PRXL2A: variants seen among roughly 807,000 people sequenced by gnomAD.
PRXL2A encodes the protein peroxiredoxin like 2A.
PRXL2A carries 26 observed loss-of-function variants against 25.6 expected under a neutral mutation model. The observed-to-expected ratio is 1.02, with a 90% CI of 0.74 to 1.41. The LOEUF (loss-of-function observed/expected upper bound fraction) is 1.41, where lower values mean the gene tolerates loss of function less well. PRXL2A is among the 40% of genes most tolerant of loss of function. PRXL2A has a pLI of 0.00. For missense variants in PRXL2A, 246 were observed against 273.9 expected (o/e 0.90, Z 0.72); for synonymous variants, 98 against 102.9 (o/e 0.95, Z 0.29).
At chr10:80,421,244 A>G (rs1589557596) in intron 2 of PRXL2A, among the ~76,000 whole-genome samples, 1 of 152,310 alleles carries the variant, frequency 6.6e-6, no homozygotes, top group Non-Finnish European at 1.5e-5. Context: ...GTTAGAGCAG[A>G]CCTGCCTATC....
rs1845373313 is a variant in PRXL2A, at chr10:80,435,311, A to C, written c.*3212A>C. On this transcript the variant is annotated 3_prime_UTR_variant, in exon 6 of 6. Transcript: ENST00000606162. ...CTTGAGCTTCCCCAGGCAGGGACCC[A>C]AAGGGGCCTGGGTTATCCCTGAGAC... The C allele has an allele frequency of 6.6e-6, 1 of 152,196 alleles. No individual in the cohort carries two copies. The allele number at this position is 152,196 out of a possible 1,614,324, so 9.4% of individuals were successfully genotyped here. A position where few individuals can be genotyped will look rare whatever the true frequency, so the allele number is the denominator to read the frequency against.
chr10:80,420,331 C>T lies in PRXL2A; in HGVS notation c.-2-135C>T, dbSNP rs1290898761. 1.7e-5 allele frequency: 24 copies of T among 1,437,808 alleles called. No individual in the cohort carries two copies. The Admixed American group carries it at 2.2e-4, about 13-fold the overall frequency. The allele number at this position is 1,437,808 out of a possible 1,614,324, so 89.1% of individuals were successfully genotyped here. On this transcript the variant is annotated intron_variant, in intron 1 of 5. Coordinates refer to ENST00000606162, the MANE Select transcript of PRXL2A (RefSeq NM_032333.5). ...GTGCTTAGCAGCCCTTGTCCAGTCTCGCCTGTGACACTGCTGCTCCCTTCC... is the reference window on the plus strand; with the variant it reads ...GTGCTTAGCAGCCCTTGTCCAGTCTTGCCTGTGACACTGCTGCTCCCTTCC...
intron 5 of PRXL2A, among the ~76,000 whole-genome samples, chr10:80,430,089 C>CTTT (rs753076825): frequency 1.1e-4 from 7 of 66,554 alleles, no homozygotes; most frequent in Admixed American, 2.0e-4. Flanking sequence ...TGGGGATTTC[C>CTTT]TTTTTTTTTT....
rs540864713 is a variant in PRXL2A at position 80,431,980 on chromosome 10, T to C, written c.577-6T>C. On this transcript the variant is annotated splice_polypyrimidine_tract_variant and splice_region_variant and intron_variant, in intron 5 of 5. Coordinates refer to ENST00000606162, the MANE Select transcript of PRXL2A (RefSeq NM_032333.5). Reference sequence around the variant, plus strand: ...AGGACTGACATTATCTCTTGTTTCCTTTTAGGGCATTCTTCTTGAGCACCG... The same window carrying C: ...AGGACTGACATTATCTCTTGTTTCCCTTTAGGGCATTCTTCTTGAGCACCG... 26 of 1,598,728 alleles carry C rather than the reference T, an allele frequency of 1.6e-5. No homozygotes were observed. In the East Asian group the frequency reaches 5.6e-4, roughly 34 times the overall value.
intron 1 of PRXL2A, among the ~76,000 whole-genome samples, chr10:80,419,217 C>T (rs1441646294): frequency 6.6e-6 from 1 of 152,058 alleles, no homozygotes; most frequent in Non-Finnish European, 1.5e-5. Flanking sequence ...ATCTCTTGAC[C>T]TCGTGATTCA....
chr10:80,413,013 G>A (rs1051923242), intron 1 of PRXL2A, among the ~76,000 whole-genome samples: 4 of 152,154 alleles, frequency 2.6e-5, no homozygotes, highest in Non-Finnish European at 5.9e-5. Flanking sequence ...TTGGGCAGCA[G>A]CAGTGAGGTC....
intron 1 of PRXL2A, among the ~76,000 whole-genome samples, chr10:80,419,411 G>A (rs1424545272): frequency 4.0e-5 from 6 of 149,466 alleles, no homozygotes; most frequent in African/African-American, 1.5e-4. Flanking sequence ...AGGTTCAAGC[G>A]ATTCTCCTGC....
intron 1 of PRXL2A, among the ~76,000 whole-genome samples, chr10:80,414,821 G>A (rs1012792309): frequency 5.9e-5 from 9 of 152,190 alleles, no homozygotes; most frequent in African/African-American, 1.2e-4. Context: ...CTTCTAAGAC[G>A]ACTGGCTGCA....
intron 1 of PRXL2A, among the ~76,000 whole-genome samples, chr10:80,418,905 C>T (rs1844759821): frequency 6.6e-6 from 1 of 152,200 alleles, no homozygotes; most frequent in African/African-American, 2.4e-5. Context: ...AGCTCCATTT[C>T]AGTTGCAGAG....
chr10:80,418,698 C>A (rs187045753), intron 1 of PRXL2A, among the ~76,000 whole-genome samples: 2 of 152,268 alleles, frequency 1.3e-5, no homozygotes, highest in African/African-American at 2.4e-5. Context: ...GAAGAAGGCA[C>A]CAGTGTATGC....
intron 1 of PRXL2A, among the ~76,000 whole-genome samples, chr10:80,411,829 C>T (rs1844485778): frequency 6.6e-6 from 1 of 152,154 alleles, no homozygotes; most frequent in African/African-American, 2.4e-5. Context: ...CTATCTCTGC[C>T]TCAGGCCAGC....
intron 1 of PRXL2A, among the ~76,000 whole-genome samples, chr10:80,412,995 T>A (rs924343921): frequency 1.3e-5 from 2 of 152,148 alleles, no homozygotes; most frequent in Non-Finnish European, 2.9e-5. Context: ...AGTTATAGGA[T>A]CCTGGGTTTG....
In PRXL2A at chr10:80,408,646, A is replaced by T. The variant is rs1014797759; in HGVS notation, c.-3+3A>T. 6.6e-6 allele frequency: 1 copy of T among 152,378 alleles called. No individual in the cohort carries two copies. The highest frequency in any genetic ancestry group is 1.5e-5 in the Non-Finnish European group (1 of 68,210). The allele number at this position is 152,378 out of a possible 1,614,324, so 9.4% of individuals were successfully genotyped here. ...CCGGCAGAAGGGAGGCACTTGAGGT[A>T]GGTGCTGCGCGCCGGGGCTCCGCGA... On this transcript the variant is annotated splice_donor_region_variant and intron_variant, in intron 1 of 5. Transcript: ENST00000606162.
At chr10:80,415,317 G>A (rs1245249128) in intron 1 of PRXL2A, among the ~76,000 whole-genome samples, 1 of 152,232 alleles carries the variant, frequency 6.6e-6, no homozygotes, top group Non-Finnish European at 1.5e-5. Flanking sequence ...ACTTATGGGG[G>A]TTTTGAGGTC....
At chr10:80,420,314 C>T in intron 1 of PRXL2A, 152 bp from the exon 2 acceptor site, 1 of 1,390,394 alleles carries the variant, frequency 7.2e-7, no homozygotes, top group Non-Finnish European at 9.3e-7. Flanking sequence ...AGGTGCTTAG[C>T]AGCCCTTGTC....
intron 1 of PRXL2A, chr10:80,413,845 C>A: frequency 8.3e-7 from 1 of 1,201,516 alleles, no homozygotes; most frequent in Non-Finnish European, 1.1e-6. Flanking sequence ...ACTTCTTTGT[C>A]AAGAGAAGCA....
At chr10:80,422,616 C>T (rs1382420632) in intron 3 of PRXL2A, 108 bp downstream of exon 3, 1 of 746,170 alleles carries the variant, frequency 1.3e-6, no homozygotes, top group East Asian at 2.6e-5. Context: ...CTTTTACCCA[C>T]ATGTTCTGTT....
At chr10:80,416,946 C>T (rs1844679024) in intron 1 of PRXL2A, among the ~76,000 whole-genome samples, 1 of 152,184 alleles carries the variant, frequency 6.6e-6, no homozygotes. Context: ...CTGTTGTACC[C>T]AAGCGAGTTA....
At chr10:80,428,549 G>A (rs1221567390) in intron 5 of PRXL2A, among the ~76,000 whole-genome samples, 1 of 152,148 alleles carries the variant, frequency 6.6e-6, no homozygotes, top group African/African-American at 2.4e-5. Context: ...CGCACCCATA[G>A]TCCCAGCTAC....
Sources: gnomAD v4.1 joint callset for allele counts (sites outside exome capture counted in the v4.1 genomes callset) on GRCh38, gnomAD v4.1.1 for gene constraint, MANE v1.5 for transcripts, NCBI Gene and HGNC (gene_info 2026-07-23, HGNC 2026-07-21) for gene names.